TENM2: variants seen among roughly 807,000 people sequenced by gnomAD.
TENM2 encodes the protein teneurin transmembrane protein 2.
TENM2 carries 52 observed loss-of-function variants against 245.2 expected under a neutral mutation model. The observed-to-expected ratio is 0.21, with a 90% confidence interval of 0.17 to 0.27. The LOEUF (loss-of-function observed/expected upper bound fraction) is 0.27. Among genes scored for constraint, TENM2 ranks in the 10% least tolerant of loss-of-function variants. The probability of loss-of-function intolerance (pLI) is 1.00; values close to 1 mark genes in which losing one functional copy is unlikely to be tolerated. For missense variants in TENM2, 3,046 were observed against 3,666.8 expected (o/e 0.83, Z 4.37); for synonymous variants, 1,363 against 1,438.9 (o/e 0.95, Z 1.19).
At chr5:168,047,107 T>C (rs1788672895) in intron 5 of TENM2, among the ~76,000 whole-genome samples, 1 of 152,156 alleles carries the variant, frequency 6.6e-6, no homozygotes, top group Non-Finnish European at 1.5e-5. Context: ...CAGCACTCTT[T>C]ACAGTGATTC....
At chr5:167,147,150 T>C in the TENM2 span, among the ~76,000 whole-genome samples, 677 of 152,346 alleles carry the variant, frequency 4.4e-3, 7 homozygotes, top group African/African-American at 0.014. Context: ...AAAATAGTCT[T>C]TGAACTAGGC....
chr5:167,988,875 T>C (rs960907146), intron 4 of TENM2, among the ~76,000 whole-genome samples: 1 of 152,224 alleles, frequency 6.6e-6, no homozygotes. Flanking sequence ...GGGAACATTT[T>C]TAGGATTTCA....
chr5:167,607,085 C>T (rs987967592), intron 2 of TENM2, among the ~76,000 whole-genome samples: 1 of 152,076 alleles, frequency 6.6e-6, no homozygotes, highest in African/African-American at 2.4e-5. Context: ...CCAGGCAGGT[C>T]ATATAAATGA....
chr5:167,486,152 A>T (rs6555754), intron 2 of TENM2, among the ~76,000 whole-genome samples: 141,510 of 152,136 alleles, frequency 0.93, 66,279 homozygotes, highest in Non-Finnish European at 0.99. Flanking sequence ...ATAAAAGTAA[A>T]GATTTTACTC....
intron 2 of TENM2, among the ~76,000 whole-genome samples, chr5:167,675,933 G>A (rs1231299874): frequency 1.3e-5 from 2 of 151,932 alleles, no homozygotes; most frequent in African/African-American, 4.8e-5. Context: ...AGGTTGCTTG[G>A]GTAGTACATG....
chr5:168,135,203 C>T (rs1346016254), intron 12 of TENM2, among the ~76,000 whole-genome samples: 1 of 152,184 alleles, frequency 6.6e-6, no homozygotes, highest in Non-Finnish European at 1.5e-5. Context: ...TTTCTTGGCT[C>T]CTTTGGAGCA....
intron 4 of TENM2, among the ~76,000 whole-genome samples, chr5:167,962,634 G>A (rs567532898): frequency 1.7e-4 from 26 of 152,196 alleles, no homozygotes; most frequent in East Asian, 5.8e-4. Flanking sequence ...TCAGCATGAC[G>A]GGGGAGGCCT....
At chr5:167,829,222 G>A (rs539970775) in intron 2 of TENM2, among the ~76,000 whole-genome samples, 19 of 152,298 alleles carry the variant, frequency 1.2e-4, no homozygotes, top group South Asian at 2.1e-4. Flanking sequence ...AACACACATC[G>A]TGTGGAATTA....
rs563223303 is a variant in TENM2, at chr5:168,162,196, T to C, written c.2423-415T>C. Among the ~76,000 whole-genome samples, 4 of 152,264 alleles carry C rather than the reference T, an allele frequency of 2.6e-5. No individual in the cohort carries two copies. In the South Asian group the frequency reaches 8.3e-4, roughly 32 times the overall value. ...GCACTTTGCCTCCATCCTGGGTTGATAGGGAATTTTTTCTCTTCTACAGAA... is the reference window on the plus strand; with the variant it reads ...GCACTTTGCCTCCATCCTGGGTTGACAGGGAATTTTTTCTCTTCTACAGAA... On this transcript the variant is annotated intron_variant, in intron 12 of 28. Coordinates refer to ENST00000518659, the Ensembl canonical transcript of TENM2.
At chr5:167,560,210 C>A (rs1431925680) in intron 2 of TENM2, among the ~76,000 whole-genome samples, 1 of 152,154 alleles carries the variant, frequency 6.6e-6, no homozygotes, top group Non-Finnish European at 1.5e-5. Context: ...ATTTTAACAC[C>A]ACCCCAGGTG....
At chr5:168,262,624 G>A (rs765771827) in exon 29 of TENM2, 1 of 1,594,604 alleles carries the variant, frequency 6.3e-7, no homozygotes, top group Non-Finnish European at 8.5e-7. Context: ...AGGAGCAGCA[G>A]AAAGCCAGGG....
chr5:167,974,020 GGAGGAAGGAAGGA>G (rs1782026873), intron 4 of TENM2, among the ~76,000 whole-genome samples: 1 of 76,092 alleles, frequency 1.3e-5, no homozygotes, highest in Non-Finnish European at 2.1e-5. Context: ...AGGGAGGGAG[GGAGGAAGGAAGGA>G]AGGAGAAGGA....
chr5:167,587,561 G>A (rs947651418), intron 2 of TENM2, among the ~76,000 whole-genome samples: 1 of 152,122 alleles, frequency 6.6e-6, no homozygotes, highest in African/African-American at 2.4e-5. Flanking sequence ...TGTGTCCTGG[G>A]TGCTGGTGGT....
At chr5:168,144,549 A>G (rs1339444377) in intron 12 of TENM2, among the ~76,000 whole-genome samples, 3 of 151,600 alleles carry the variant, frequency 2.0e-5, no homozygotes, top group African/African-American at 7.3e-5. Context: ...CATGGTGTAT[A>G]TGTGCCACAT....
In TENM2 at chr5:167,328,747, C is replaced by T. The variant is rs999589689; in HGVS notation, c.226+43684C>T. Among the ~76,000 whole-genome samples, 9 of 152,188 alleles carry T rather than the reference C, an allele frequency of 5.9e-5. No individual in the cohort carries two copies. In the East Asian group the frequency reaches 1.5e-3, roughly 26 times the overall value. ...TTCCTTTAGCTCTTGGCTGAAATAG[C>T]ACCTAAACAGTGAGGTCTTCCCTAG... On this transcript the variant is annotated intron_variant, in intron 1 of 28. Coordinates refer to ENST00000518659, the Ensembl canonical transcript of TENM2.
chr5:167,514,044 G>A (rs1295865002), intron 2 of TENM2, among the ~76,000 whole-genome samples: 1 of 151,512 alleles, frequency 6.6e-6, no homozygotes, highest in East Asian at 1.9e-4. Context: ...GAATAGATCA[G>A]AGTGTTTCAC....
chr5:167,947,805 C>T (rs1330575555), intron 3 of TENM2, among the ~76,000 whole-genome samples: 1 of 152,150 alleles, frequency 6.6e-6, no homozygotes, highest in Non-Finnish European at 1.5e-5. Context: ...TAAAGACCAA[C>T]CATTGGCATG....
At chr5:167,356,495 A>G (rs1168916363) in intron 1 of TENM2, among the ~76,000 whole-genome samples, 2 of 152,206 alleles carry the variant, frequency 1.3e-5, no homozygotes, top group East Asian at 3.9e-4. Context: ...AAATGAGGAA[A>G]GGCAAGGAAA....
chr5:167,671,785 A>G (rs1053300560), intron 2 of TENM2, among the ~76,000 whole-genome samples: 6 of 150,284 alleles, frequency 4.0e-5, no homozygotes, highest in African/African-American at 1.5e-4. Context: ...ATATATTTAT[A>G]TATCTCCAGA....
Sources: gnomAD v4.1 joint callset for allele counts (sites outside exome capture counted in the v4.1 genomes callset) on GRCh38, gnomAD v4.1.1 for gene constraint, MANE v1.5 for transcripts, NCBI Gene and HGNC (gene_info 2026-07-23, HGNC 2026-07-21) for gene names.